FHOD3: variants seen among roughly 807,000 people sequenced by gnomAD.
The protein encoded by FHOD3 is formin homology 2 domain containing 3.
In FHOD3, 90 loss-of-function variants were observed where a neutral mutation model predicts 173.0. The observed-to-expected ratio is 0.52, with a 90% CI of 0.44 to 0.62. FHOD3 has a LOEUF of 0.62. FHOD3 is among the 20% of genes least tolerant of loss of function. The pLI, the probability that FHOD3 is intolerant of heterozygous loss-of-function variation, is 0.00. For missense variants in FHOD3, 1,945 were observed against 2,034.7 expected (o/e 0.96, Z 0.85); for synonymous variants, 828 against 823.0 (o/e 1.01, Z -0.10).
chr18:36,517,877 A>G (rs1811959602), intron 5 of FHOD3, among the ~76,000 whole-genome samples: 1 of 152,238 alleles, frequency 6.6e-6, no homozygotes, highest in African/African-American at 2.4e-5. Flanking sequence ...ATAGTCCACT[A>G]TAGGAAAAAA....
intron 27 of FHOD3, among the ~76,000 whole-genome samples, chr18:36,765,893 C>A (rs1000859779): frequency 2.6e-5 from 4 of 151,900 alleles, no homozygotes; most frequent in Non-Finnish European, 5.9e-5. Flanking sequence ...GGACCAGAAG[C>A]AATATTTGAA....
intron 1 of FHOD3, among the ~76,000 whole-genome samples, chr18:36,309,385 A>G (rs1351367107): frequency 1.3e-5 from 2 of 152,128 alleles, no homozygotes; most frequent in Non-Finnish European, 2.9e-5. Flanking sequence ...GGGAGAAAGG[A>G]GTGGTGGCTG....
chr18:36,641,792 C>G lies in FHOD3; in HGVS notation c.1197-7524C>G, dbSNP rs565613805. Among the ~76,000 whole-genome samples, 720 of 152,068 alleles carry G rather than the reference C, an allele frequency of 4.7e-3. 2 individuals carry two copies. The highest frequency in any genetic ancestry group is 0.01 in the Middle Eastern group (3 of 294). ...CCAACATGGTGAAACCCTATCTCTA[C>G]TAAAATTATAAAAATTAGCTGGGTG... On this transcript the variant is annotated intron_variant, in intron 10 of 28. Coordinates refer to ENST00000590592, the MANE Select transcript of FHOD3 (RefSeq NM_001281740.3).
At chr18:36,623,406 T>C (rs1035232258) in intron 9 of FHOD3, among the ~76,000 whole-genome samples, 2 of 152,194 alleles carry the variant, frequency 1.3e-5, no homozygotes, top group Non-Finnish European at 2.9e-5. Context: ...TTTATAGAAA[T>C]GAAAAAAACA....
intron 5 of FHOD3, among the ~76,000 whole-genome samples, chr18:36,527,420 A>G (rs2056573661): frequency 6.6e-6 from 1 of 152,242 alleles, no homozygotes; most frequent in Non-Finnish European, 1.5e-5. Flanking sequence ...GCATCCTGTC[A>G]TCTAGCTGAA....
At chr18:36,739,530 A>G (rs2041803951) in intron 20 of FHOD3, among the ~76,000 whole-genome samples, 1 of 152,250 alleles carries the variant, frequency 6.6e-6, no homozygotes, top group Admixed American at 6.5e-5. Flanking sequence ...TTGGAATTGA[A>G]TTAAATCTAT....
At chr18:36,593,375 T>C (rs892590942) in intron 6 of FHOD3, among the ~76,000 whole-genome samples, 6 of 151,950 alleles carry the variant, frequency 3.9e-5, no homozygotes, top group East Asian at 1.9e-4. Context: ...GAGAGAGATG[T>C]GGAATTGAGG....
intron 3 of FHOD3, among the ~76,000 whole-genome samples, chr18:36,488,524 C>T (rs1474445033): frequency 1.3e-5 from 2 of 152,130 alleles, no homozygotes; most frequent in Non-Finnish European, 2.9e-5. Flanking sequence ...GTGCAGTGCC[C>T]AGGAAAGGAC....
rs769012749 is a variant in FHOD3, at chr18:36,370,328, C to CT, written c.273-2342dup. ...GATTAAACTTCTAAAAAAAATAGGA[C>CT]TTTTTTTTTTCTTCTATGCTCTCTT... On this transcript the variant is annotated intron_variant, in intron 2 of 28. Coordinates refer to ENST00000590592, the MANE Select transcript of FHOD3 (RefSeq NM_001281740.3). Among the ~76,000 whole-genome samples the CT allele has an allele frequency of 2.1e-4, 32 of 149,688 alleles. No individual in the cohort carries two copies. In the East Asian group the frequency reaches 2.4e-3, roughly 11 times the overall value.
intron 3 of FHOD3, among the ~76,000 whole-genome samples, chr18:36,484,261 A>G (rs375917759): frequency 2.4e-4 from 37 of 152,084 alleles, no homozygotes; most frequent in African/African-American, 7.5e-4. Context: ...TTTCTGTTCA[A>G]TTGTCTAGTT....
intron 3 of FHOD3, among the ~76,000 whole-genome samples, chr18:36,445,831 C>G (rs560043891): frequency 6.6e-6 from 1 of 152,146 alleles, no homozygotes; most frequent in African/African-American, 2.4e-5. Flanking sequence ...TCCCTCGCTG[C>G]GGTCAGCCAC....
intron 14 of FHOD3, among the ~76,000 whole-genome samples, chr18:36,659,836 C>G (rs1470269087): frequency 6.6e-6 from 1 of 152,188 alleles, no homozygotes; most frequent in Admixed American, 6.5e-5. Context: ...CGCTTTTCTG[C>G]CACTGGAATC....
At chr18:36,476,281 G>A (rs774264081) in intron 3 of FHOD3, among the ~76,000 whole-genome samples, 1 of 152,192 alleles carries the variant, frequency 6.6e-6, no homozygotes, top group African/African-American at 2.4e-5. Flanking sequence ...CTGTCAGAGG[G>A]CCTGAGAAGC....
intron 2 of FHOD3, among the ~76,000 whole-genome samples, chr18:36,368,901 C>G (rs1026711887): frequency 6.6e-6 from 1 of 152,136 alleles, no homozygotes; most frequent in African/African-American, 2.4e-5. Context: ...AATCACCCCC[C>G]ACCAGGTCCC....
At chr18:36,484,537 G>A (rs891120777) in intron 3 of FHOD3, among the ~76,000 whole-genome samples, 2 of 152,094 alleles carry the variant, frequency 1.3e-5, no homozygotes, top group African/African-American at 2.4e-5. Flanking sequence ...AAGTCTCAAT[G>A]AGAATATAAA....
chr18:36,620,273 C>T (rs2033599430), intron 9 of FHOD3, among the ~76,000 whole-genome samples: 1 of 152,176 alleles, frequency 6.6e-6, no homozygotes, highest in Non-Finnish European at 1.5e-5. Context: ...AAGGCAGGTT[C>T]TTTGGGGAAC....
At chr18:36,319,676 G>T (rs1444614065) in intron 1 of FHOD3, among the ~76,000 whole-genome samples, 1 of 152,160 alleles carries the variant, frequency 6.6e-6, no homozygotes, top group African/African-American at 2.4e-5. Flanking sequence ...CAAATCAACA[G>T]AATATACATT....
chr18:36,443,750 A>G lies in FHOD3; in HGVS notation c.338-58182A>G, dbSNP rs561872709. ...AATACAGCTATATACAAATATATGC[A>G]TATTTACTTTCCTGTCTCTATTAAC... On this transcript the variant is annotated intron_variant, in intron 3 of 28. Coordinates refer to ENST00000590592, the MANE Select transcript of FHOD3 (RefSeq NM_001281740.3). Among the ~76,000 whole-genome samples the G allele has an allele frequency of 7.2e-5, 11 of 152,304 alleles. No homozygotes were observed. The East Asian group carries it at 1.5e-3, about 21-fold the overall frequency.
intron 13 of FHOD3, among the ~76,000 whole-genome samples, chr18:36,655,402 C>T (rs2036352026): frequency 6.6e-6 from 1 of 152,024 alleles, no homozygotes; most frequent in Non-Finnish European, 1.5e-5. Flanking sequence ...GTTTGGTCTG[C>T]AAGCTTCACC....
Sources: allele counts gnomAD v4.1 joint callset (sites outside exome capture counted in the v4.1 genomes callset), GRCh38; gene constraint gnomAD v4.1.1; transcripts MANE v1.5; gene names NCBI Gene and HGNC (gene_info 2026-07-23, HGNC 2026-07-21).